The following AGGF1 variants were observed in gnomAD, a reference collection of about 807,000 sequenced individuals.
AGGF1 encodes the protein angiogenic factor with G patch and FHA domains 1.
A neutral mutation model predicts 86.5 loss-of-function variants in AGGF1; 56 were observed. The observed-to-expected ratio is 0.65, with a 90% CI of 0.52 to 0.81. The LOEUF (loss-of-function observed/expected upper bound fraction) is 0.81. AGGF1 is among the 30% of genes least tolerant of loss of function. AGGF1 has a pLI of 0.00. For missense variants in AGGF1, 816 were observed against 850.9 expected (o/e 0.96, Z 0.51); for synonymous variants, 313 against 297.1 (o/e 1.05, Z -0.55).
chr5:77,047,761 G>T (rs1191366856), intron 6 of AGGF1, among the ~76,000 whole-genome samples: 1 of 150,150 alleles, frequency 6.7e-6, no homozygotes, highest in African/African-American at 2.5e-5. Flanking sequence ...CAGGTGATCT[G>T]CCTGCGTCGG....
chr5:77,041,480 T>C (rs1296921594), intron 5 of AGGF1, among the ~76,000 whole-genome samples: 1 of 148,986 alleles, frequency 6.7e-6, no homozygotes, highest in African/African-American at 2.5e-5. Flanking sequence ...GGCAGGAGAA[T>C]CGCTTGAACC....
chr5:77,052,713 C>T lies in AGGF1; in HGVS notation c.1373C>T (p.Ala458Val). ...TTGATTTCACTTTCTAAGTTTCATG[C>T]AGAAATTTATTTTGACCATGACTTA... ...IPEVGVSKFH[A>V]EIYFDHDLQS... The change falls in exon 9 of 14, where the codon GCA becomes GTA. Residue 458 changes from alanine (A) to valine (V), a missense_variant. Physicochemically the swap from Ala to Val is moderately conservative, Grantham distance 64. Transcript: ENST00000312916. 6.2e-7 allele frequency: 1 copy of T among 1,611,662 alleles called. No individual in the cohort carries two copies. The highest frequency in any genetic ancestry group is 1.1e-5 in the South Asian group (1 of 90,824).
Position 77,059,609 on chromosome 5 carries a change from T to G in AGGF1, c.1717-7T>G. 1.3e-6 allele frequency: 2 copies of G among 1,599,016 alleles called. No homozygotes were observed. Among genetic ancestry groups the G allele is most frequent in the East Asian group, 2.2e-5 (1 of 44,806 alleles). On this transcript the variant is annotated splice_region_variant and splice_polypyrimidine_tract_variant and intron_variant, in intron 11 of 13. Coordinates refer to ENST00000312916, the MANE Select transcript of AGGF1 (RefSeq NM_018046.5). ...TTTTCCTGAATGAATATTTTGTGTTTATTAAGAATACAGAATACGAAGATG... is the reference window on the plus strand; with the variant it reads ...TTTTCCTGAATGAATATTTTGTGTTGATTAAGAATACAGAATACGAAGATG...
chr5:77,059,562 A>G lies in AGGF1; in HGVS notation c.1717-54A>G, dbSNP rs993340120. 8 of 1,505,002 alleles carry G rather than the reference A, an allele frequency of 5.3e-6. No homozygotes were observed. The African/African-American group carries it at 8.3e-5, about 16-fold the overall frequency. The allele number at this position is 1,505,002 out of a possible 1,614,324, so 93.2% of individuals were successfully genotyped here. A position where few individuals can be genotyped will look rare whatever the true frequency, so the allele number is the denominator to read the frequency against. On this transcript the variant is annotated intron_variant, in intron 11 of 13. Transcript: ENST00000312916. The stretch of plus-strand genomic sequence containing the variant: ...CGTTAAGTAAGGCACATGTACAGAA[A>G]TTGTTTTATTTATCAGCTTTCTTTT...
intron 2 of AGGF1, among the ~76,000 whole-genome samples, chr5:77,035,061 T>C (rs1356907290): frequency 6.6e-6 from 1 of 152,218 alleles, no homozygotes; most frequent in Non-Finnish European, 1.5e-5. Flanking sequence ...TTGCTAAACA[T>C]AGCAATAGTG....
chr5:77,051,326 G>A (rs1376818200), intron 8 of AGGF1, among the ~76,000 whole-genome samples: 4 of 151,812 alleles, frequency 2.6e-5, no homozygotes, highest in African/African-American at 9.7e-5. Flanking sequence ...CCAGCTACTC[G>A]GGAGGCTGAG....
chr5:77,047,661 A>G (rs1039700030), intron 6 of AGGF1, among the ~76,000 whole-genome samples: 4 of 151,920 alleles, frequency 2.6e-5, no homozygotes, highest in African/African-American at 4.8e-5. Context: ...CTACAGGCGC[A>G]TGTCACCACG....
Position 77,059,413 on chromosome 5 carries a change from C to T in AGGF1, c.1717-203C>T, listed in dbSNP as rs193111503. On this transcript the variant is annotated intron_variant, in intron 11 of 13. Transcript: ENST00000312916. ...CTCACACTGGTCTCAAACTCCTGAC[C>T]TCTAGCTATCCTCTTGCCTCAGCTT... Among the ~76,000 whole-genome samples, 382 of 152,210 alleles carry T rather than the reference C, an allele frequency of 2.5e-3. 7 individuals carry two copies. Among genetic ancestry groups the T allele is most frequent in the Admixed American group, 0.024 (363 of 15,288 alleles).
chr5:77,063,145 A>G lies in AGGF1; in HGVS notation c.2038A>G (p.Lys680Glu). ...TCACCTTCTCCAAAACAAGAACAAAAAAAACTGGGACAAAGCACGAGAGCG... is the reference window on the plus strand; with the variant it reads ...TCACCTTCTCCAAAACAAGAACAAAGAAAACTGGGACAAAGCACGAGAGCG... The part of the protein sequence containing the change: ...DVHLLQNKNK[K>E]NWDKARERFT... Residue 680 changes from lysine (K) to glutamate (E), a missense_variant, in exon 14 of 14, where the codon AAA becomes GAA. Transcript: ENST00000312916. 1 of 1,614,128 alleles carries G rather than the reference A, an allele frequency of 6.2e-7. No individual in the cohort carries two copies. The highest frequency in any genetic ancestry group is 8.5e-7 in the Non-Finnish European group (1 of 1,180,026).
At chr5:77,031,374 A>G (rs755122221) in intron 1 of AGGF1, among the ~76,000 whole-genome samples, 1 of 152,198 alleles carries the variant, frequency 6.6e-6, no homozygotes, top group Non-Finnish European at 1.5e-5. Flanking sequence ...TCAGTTCCCC[A>G]TTAAATGAGA....
Position 77,065,204 on chromosome 5 carries a change from T to A in AGGF1, c.*1952T>A, listed in dbSNP as rs971437270. 1.3e-5 allele frequency: 2 copies of A among 152,198 alleles called. No individual in the cohort carries two copies. The highest frequency in any genetic ancestry group is 3.9e-4 in the East Asian group (2 of 5,194). 9.4% of individuals were successfully genotyped at this position (152,198 alleles called of 1,614,324 possible). A position where few individuals can be genotyped will look rare whatever the true frequency, so the allele number is the denominator to read the frequency against. Reference sequence around the variant, plus strand: ...AATGTGAATTATATACAGTTTGAATTTTGCATAAATTTTTTGTGTCTAATT... The same window carrying A: ...AATGTGAATTATATACAGTTTGAATATTGCATAAATTTTTTGTGTCTAATT... On this transcript the variant is annotated 3_prime_UTR_variant, in exon 14 of 14. Transcript: ENST00000312916.
intron 6 of AGGF1, 95 bp downstream of exon 6, chr5:77,046,772 C>A: frequency 8.6e-7 from 1 of 1,168,438 alleles, no homozygotes; most frequent in Non-Finnish European, 1.3e-6. Flanking sequence ...AGTATATCTG[C>A]CAGAAAGTAA....
chr5:77,052,864 T>C, intron 9 of AGGF1, 57 bp downstream of exon 9: 7 of 1,400,008 alleles, frequency 5.0e-6, no homozygotes, highest in Non-Finnish European at 2.0e-6. Flanking sequence ...TGATTTTTTT[T>C]TATTTCTGAA....
Position 77,043,587 on chromosome 5 carries a change from A to AC in AGGF1, c.871-2747dup, listed in dbSNP as rs1272861911. Among the ~76,000 whole-genome samples, 83 of 18,042 alleles carry AC rather than the reference A, an allele frequency of 4.6e-3. 1 individual carries two copies. Among genetic ancestry groups the AC allele is most frequent in the African/African-American group, 9.9e-3 (54 of 5,458 alleles). The allele number at this position is 18,042 out of a possible 152,430, so 11.8% of individuals were successfully genotyped here. ...GCACGGCTGGCCAGGCGGGGGGCTG[A>AC]CCCCCCCCCCCCCGGATGGCACGGC... On this transcript the variant is annotated intron_variant, in intron 5 of 13. Coordinates refer to ENST00000312916, the MANE Select transcript of AGGF1 (RefSeq NM_018046.5).
intron 5 of AGGF1, among the ~76,000 whole-genome samples, chr5:77,043,268 C>T (rs1462656073): frequency 3.4e-5 from 1 of 29,434 alleles, no homozygotes; most frequent in African/African-American, 1.2e-4. Context: ...CGGGCAGAGG[C>T]GCCCCTCACC....
At chr5:77,051,978 G>A (rs1371552632) in intron 8 of AGGF1, among the ~76,000 whole-genome samples, 1 of 152,140 alleles carries the variant, frequency 6.6e-6, no homozygotes, top group Non-Finnish European at 1.5e-5. Context: ...GAACAAGGAG[G>A]GAAAGATTAG....
At chr5:77,055,646 G>T in intron 11 of AGGF1, 50 bp downstream of exon 11, 1 of 1,302,438 alleles carries the variant, frequency 7.7e-7, no homozygotes, top group South Asian at 1.2e-5. Context: ...ATCTGGTTTT[G>T]AGTAAAAATG....
rs143884704 is a variant in AGGF1, at chr5:77,064,216, A to G, written c.*964A>G. The G allele has an allele frequency of 5.9e-5, 9 of 152,700 alleles. No homozygotes were observed. The East Asian group carries it at 1.5e-3, about 26-fold the overall frequency. The allele number at this position is 152,700 out of a possible 1,614,324, so 9.5% of individuals were successfully genotyped here. Reference sequence around the variant, plus strand: ...AAAGGAGAGCCTCAAATATTAGACAATTGCAGTGCGGCTTTCTGGGCACAG... The same window carrying G: ...AAAGGAGAGCCTCAAATATTAGACAGTTGCAGTGCGGCTTTCTGGGCACAG... On this transcript the variant is annotated 3_prime_UTR_variant, in exon 14 of 14. Transcript: ENST00000312916.
chr5:77,035,459 A>T, intron 2 of AGGF1, 82 bp from the exon 3 acceptor site: 1 of 1,039,362 alleles, frequency 9.6e-7, no homozygotes, highest in Admixed American at 2.3e-5. Context: ...TTTTGTGTTT[A>T]AATGCCAGTG....
Sources: gnomAD v4.1 joint callset for allele counts (sites outside exome capture counted in the v4.1 genomes callset) on GRCh38, gnomAD v4.1.1 for gene constraint, MANE v1.5 for transcripts, NCBI Gene and HGNC (gene_info 2026-07-23, HGNC 2026-07-21) for gene names.